The following SAMD5 variants were observed in gnomAD, a reference collection of about 807,000 sequenced individuals.
SAMD5 encodes the protein sterile alpha motif domain-containing protein 5.
A neutral mutation model predicts 11.3 loss-of-function variants in SAMD5; 13 were observed. The observed-to-expected ratio is 1.15, with a 90% confidence interval of 0.75 to 1.83. The LOEUF is 1.83. Ranked by LOEUF, SAMD5 falls within the 40% of genes most tolerant of loss-of-function variation. The probability of loss-of-function intolerance (pLI) is 0.00; values close to 1 mark genes in which losing one functional copy is unlikely to be tolerated. For missense variants in SAMD5, 255 were observed against 239.1 expected (o/e 1.07, Z -0.44); for synonymous variants, 129 against 111.3 (o/e 1.16, Z -1.00).
At chr6:147,639,769 T>C (rs1486230073) in intron 1 of SAMD5, among the ~76,000 whole-genome samples, 1 of 152,242 alleles carries the variant, frequency 6.6e-6, no homozygotes, top group Non-Finnish European at 1.5e-5. Context: ...GTTATTCAGA[T>C]TGATCAGTTT....
chr6:147,683,395 C>A (rs1790966903), intron 1 of SAMD5, among the ~76,000 whole-genome samples: 1 of 152,064 alleles, frequency 6.6e-6, no homozygotes, highest in Non-Finnish European at 1.5e-5. Flanking sequence ...AGATCTCTGT[C>A]TATTGGTATT....
intron 1 of SAMD5, among the ~76,000 whole-genome samples, chr6:147,633,877 G>T (rs1315616640): frequency 6.6e-6 from 1 of 151,766 alleles, no homozygotes; most frequent in Non-Finnish European, 1.5e-5. Context: ...TACTTTAATG[G>T]TTTTACTATA....
At chr6:147,629,536 C>T (rs190994253) in intron 1 of SAMD5, among the ~76,000 whole-genome samples, 70 of 152,212 alleles carry the variant, frequency 4.6e-4, no homozygotes, top group Non-Finnish European at 6.8e-4. Flanking sequence ...AAAGGTTTGG[C>T]ATTTTCAGTT....
intron 1 of SAMD5, among the ~76,000 whole-genome samples, chr6:147,608,734 A>G (rs1388703426): frequency 6.6e-6 from 1 of 152,218 alleles, no homozygotes; most frequent in Non-Finnish European, 1.5e-5. Flanking sequence ...ACTATTTGAC[A>G]GCACAATCAA....
At chr6:147,592,328 A>T (rs13217782) in intron 1 of SAMD5, among the ~76,000 whole-genome samples, 1 of 152,086 alleles carries the variant, frequency 6.6e-6, no homozygotes, top group Non-Finnish European at 1.5e-5. Flanking sequence ...CTCTCCCACC[A>T]TAGAAATGAA....
the SAMD5 span, among the ~76,000 whole-genome samples, chr6:147,909,169 A>G: frequency 6.6e-6 from 1 of 152,196 alleles, no homozygotes; most frequent in Admixed American, 6.5e-5. Context: ...TGCTTGCGCC[A>G]CCACACGCCA....
At chr6:147,744,477 A>G in the SAMD5 span, among the ~76,000 whole-genome samples, 1 of 152,198 alleles carries the variant, frequency 6.6e-6, no homozygotes, top group East Asian at 1.9e-4. Flanking sequence ...ACTGAAAGAG[A>G]AATGATTTTT....
chr6:147,775,119 G>C, the SAMD5 span, among the ~76,000 whole-genome samples: 1 of 152,126 alleles, frequency 6.6e-6, no homozygotes, highest in Admixed American at 6.6e-5. Flanking sequence ...TTATGTGTCA[G>C]TCAGTGCTTC....
the SAMD5 span, among the ~76,000 whole-genome samples, chr6:147,833,048 C>T: frequency 1.3e-5 from 2 of 152,162 alleles, no homozygotes; most frequent in South Asian, 4.1e-4. Flanking sequence ...ACCAGTCCCT[C>T]AAATATTTTG....
chr6:147,728,280 C>T lies in SAMD5; in HGVS notation c.163-9037C>T, dbSNP rs553121412. Reference sequence around the variant, plus strand: ...GTCTCTACAAAAAATCAGCCAGACACGGTCTTGTATGCGTGTAATCCCAGC... The same window carrying T: ...GTCTCTACAAAAAATCAGCCAGACATGGTCTTGTATGCGTGTAATCCCAGC... On this transcript the variant is annotated intron_variant, in intron 1 of 1. Transcript: ENST00000566741. Among the ~76,000 whole-genome samples, 10 of 152,174 alleles carry T rather than the reference C, an allele frequency of 6.6e-5. No homozygotes were observed. In the South Asian group the frequency reaches 8.3e-4, roughly 13 times the overall value.
chr6:147,830,848 G>A, the SAMD5 span, among the ~76,000 whole-genome samples: 1 of 152,186 alleles, frequency 6.6e-6, no homozygotes, highest in Non-Finnish European at 1.5e-5. Context: ...CAGTCACTGG[G>A]AATAGTAACA....
chr6:147,540,683 G>A (rs1181050532), intron 1 of SAMD5, among the ~76,000 whole-genome samples: 2 of 151,978 alleles, frequency 1.3e-5, no homozygotes, highest in Non-Finnish European at 2.9e-5. Context: ...ATTTGCTACC[G>A]CCTAAGACGA....
chr6:147,945,479 T>G, the SAMD5 span, among the ~76,000 whole-genome samples: 14 of 152,332 alleles, frequency 9.2e-5, no homozygotes, highest in African/African-American at 3.4e-4. Flanking sequence ...GATGCTCATT[T>G]AAAATTTTGG....
the SAMD5 span, among the ~76,000 whole-genome samples, chr6:147,780,033 T>C: frequency 0.016 from 2,361 of 152,274 alleles, 54 homozygotes; most frequent in East Asian, 0.063. Flanking sequence ...ACTTTAAGCC[T>C]GATTCAGGTC....
chr6:147,873,924 TAGC>T, the SAMD5 span, among the ~76,000 whole-genome samples: 1 of 152,158 alleles, frequency 6.6e-6, no homozygotes, highest in African/African-American at 2.4e-5. Context: ...AACCCCAAAT[TAGC>T]AGCAAACTTA....
At chr6:147,774,975 GGAA>G in the SAMD5 span, among the ~76,000 whole-genome samples, 2 of 152,106 alleles carry the variant, frequency 1.3e-5, no homozygotes, top group African/African-American at 4.8e-5. Flanking sequence ...TTGAGATTAT[GGAA>G]GAAGGCCCAA....
the SAMD5 span, among the ~76,000 whole-genome samples, chr6:147,911,624 G>A: frequency 6.6e-6 from 1 of 151,706 alleles, no homozygotes; most frequent in East Asian, 1.9e-4. Flanking sequence ...GACCAAGATG[G>A]CCCTTTTGCA....
the SAMD5 span, among the ~76,000 whole-genome samples, chr6:147,873,031 T>C: frequency 5.3e-5 from 8 of 152,318 alleles, no homozygotes; most frequent in East Asian, 1.5e-3. Context: ...CTTGGTAGCA[T>C]TGCCCTTAAA....
the SAMD5 span, among the ~76,000 whole-genome samples, chr6:147,894,707 A>G: frequency 6.6e-6 from 1 of 152,188 alleles, no homozygotes; most frequent in Non-Finnish European, 1.5e-5. Flanking sequence ...CAGTTTTTCT[A>G]TTTGCATAGA....
Sources: gnomAD v4.1 joint callset for allele counts (sites outside exome capture counted in the v4.1 genomes callset) on GRCh38, gnomAD v4.1.1 for gene constraint, MANE v1.5 for transcripts, NCBI Gene and HGNC (gene_info 2026-07-23, HGNC 2026-07-21) for gene names.